TSPAN18: variants seen among roughly 807,000 people sequenced by gnomAD.
TSPAN18 encodes the protein tetraspanin 18.
In TSPAN18, 14 loss-of-function variants were observed where a neutral mutation model predicts 27.3. The ratio of observed to expected loss-of-function variants is 0.51; its 90% CI spans 0.34 to 0.80. The LOEUF is 0.80. Among genes scored for constraint, TSPAN18 ranks in the 30% least tolerant of loss-of-function variants. The pLI, the probability that TSPAN18 is intolerant of heterozygous loss-of-function variation, is 0.01. For missense variants in TSPAN18, 268 were observed against 323.9 expected (o/e 0.83, Z 1.32); for synonymous variants, 143 against 136.5 (o/e 1.05, Z -0.33).
In TSPAN18 at chr11:44,739,730, A is replaced by G. The variant is rs1005538422; in HGVS notation, c.-240+12443A>G. Reference sequence around the variant, plus strand: ...TGGAAATAAAACAAAAGCATATTCAATGGAAGGTCACTCTCAATCTTACAC... The same window carrying G: ...TGGAAATAAAACAAAAGCATATTCAGTGGAAGGTCACTCTCAATCTTACAC... On this transcript the variant is annotated intron_variant, in intron 1 of 9. Transcript: ENST00000520358. 6.6e-5 allele frequency among the ~76,000 whole-genome samples: 10 copies of G among 152,358 alleles called. No homozygotes were observed. In the East Asian group the frequency reaches 7.7e-4, roughly 12 times the overall value.
intron 2 of TSPAN18, among the ~76,000 whole-genome samples, chr11:44,823,692 T>G (rs1238395729): frequency 6.6e-6 from 1 of 152,136 alleles, no homozygotes; most frequent in Non-Finnish European, 1.5e-5. Flanking sequence ...GTCTTCAGCT[T>G]GGAGGTGAGG....
chr11:44,895,071 A>G (rs921940829), intron 3 of TSPAN18, among the ~76,000 whole-genome samples: 1 of 152,256 alleles, frequency 6.6e-6, no homozygotes, highest in African/African-American at 2.4e-5. Context: ...ATAAGAGGAC[A>G]GGTAGGAGAA....
chr11:44,914,313 G>A (rs1859827285), intron 5 of TSPAN18, among the ~76,000 whole-genome samples: 1 of 152,220 alleles, frequency 6.6e-6, no homozygotes, highest in Admixed American at 6.5e-5. Context: ...AGTCAGAAAA[G>A]CCCGGGCTCT....
chr11:44,930,668 T>C lies in TSPAN18; in HGVS notation c.*1490T>C, dbSNP rs148752206. On this transcript the variant is annotated 3_prime_UTR_variant, in exon 10 of 10. Transcript: ENST00000520358. Reference sequence around the variant, plus strand: ...GGATTGCAAGATGCTCCTACCCTGATAGATCAGGGGTGGCTGCTGGAGGCT... The same window carrying C: ...GGATTGCAAGATGCTCCTACCCTGACAGATCAGGGGTGGCTGCTGGAGGCT... 2.9e-4 allele frequency: 107 copies of C among 363,402 alleles called. No individual in the cohort carries two copies. Among genetic ancestry groups the C allele is most frequent in the African/African-American group, 2.0e-3 (92 of 47,024 alleles). 22.5% of individuals were successfully genotyped at this position (363,402 alleles called of 1,614,324 possible). A position where few individuals can be genotyped will look rare whatever the true frequency, so the allele number is the denominator to read the frequency against.
intron 3 of TSPAN18, among the ~76,000 whole-genome samples, chr11:44,892,483 G>T (rs182595598): frequency 6.6e-6 from 1 of 152,368 alleles, no homozygotes; most frequent in Non-Finnish European, 1.5e-5. Context: ...AAACTGCGTG[G>T]GTTTCCCAGG....
rs546704034 is a variant in TSPAN18, at chr11:44,832,570, C to T, written c.-152-27758C>T. Among the ~76,000 whole-genome samples the T allele has an allele frequency of 3.9e-5, 6 of 152,310 alleles. No individual in the cohort carries two copies. The East Asian group carries it at 9.7e-4, about 25-fold the overall frequency. Reference sequence around the variant, plus strand: ...CATGCTGACAGCTGGAACGGAAGCCCGGAACAAGCCAGTCATATTCCTCCC... The same window carrying T: ...CATGCTGACAGCTGGAACGGAAGCCTGGAACAAGCCAGTCATATTCCTCCC... On this transcript the variant is annotated intron_variant, in intron 2 of 9. Coordinates refer to ENST00000520358, the MANE Select transcript of TSPAN18 (RefSeq NM_130783.5).
At chr11:44,896,479 C>T (rs921035308) in intron 3 of TSPAN18, among the ~76,000 whole-genome samples, 2 of 152,092 alleles carry the variant, frequency 1.3e-5, no homozygotes, top group African/African-American at 2.4e-5. Flanking sequence ...CCCAAGTGCA[C>T]GGAGTACCTG....
At chr11:44,906,267 C>A (rs556254836) in intron 3 of TSPAN18, 140 bp from the exon 4 acceptor site, 492 of 786,898 alleles carry the variant, frequency 6.3e-4, no homozygotes, top group Non-Finnish European at 1.0e-3. Flanking sequence ...CTCCAGCATG[C>A]TCATCTCTAT....
rs181265825 is a variant in TSPAN18 at position 44,927,277 on chromosome 11, G to A, written c.699+520G>A. Among the ~76,000 whole-genome samples, 129 of 152,318 alleles carry A rather than the reference G, an allele frequency of 8.5e-4. 1 individual carries two copies. The East Asian group carries it at 0.019, about 22-fold the overall frequency. ...CCGTTTGCAATCACCACTAGGTGGC[G>A]CCTCAGCCAAAGGGAGGAGCGGCCG... is the stretch of plus-strand genomic sequence containing the variant. On this transcript the variant is annotated intron_variant, in intron 9 of 9. Coordinates refer to ENST00000520358, the MANE Select transcript of TSPAN18 (RefSeq NM_130783.5).
In TSPAN18 at chr11:44,930,890, C is replaced by G. The variant is rs1565031327; in HGVS notation, c.*1712C>G. The G allele has an allele frequency of 3.8e-6, 2 of 524,720 alleles. No homozygotes were observed. Among genetic ancestry groups the G allele is most frequent in the African/African-American group, 3.9e-5 (2 of 51,798 alleles). 32.5% of individuals were successfully genotyped at this position (524,720 alleles called of 1,614,324 possible). A position where few individuals can be genotyped will look rare whatever the true frequency, so the allele number is the denominator to read the frequency against. ...GAAAGAGCTCATTCTGTCTCACAAG[C>G]CACCGGCATCCTGTATCAGCTTCCA... On this transcript the variant is annotated 3_prime_UTR_variant, in exon 10 of 10. Coordinates refer to ENST00000520358, the MANE Select transcript of TSPAN18 (RefSeq NM_130783.5).
chr11:44,828,215 G>C (rs1480618818), intron 2 of TSPAN18, among the ~76,000 whole-genome samples: 1 of 152,154 alleles, frequency 6.6e-6, no homozygotes, highest in East Asian at 1.9e-4. Flanking sequence ...GCTGGAGGTT[G>C]AGGTGAAAAA....
chr11:44,919,182 G>A, intron 6 of TSPAN18, 32 bp from the exon 7 acceptor site: 2 of 1,585,192 alleles, frequency 1.3e-6, no homozygotes, highest in Non-Finnish European at 1.7e-6. Context: ...CCAACTGCCA[G>A]GCCTAAGCCC....
At chr11:44,842,951 G>A (rs2135169617) in intron 2 of TSPAN18, among the ~76,000 whole-genome samples, 1 of 151,066 alleles carries the variant, frequency 6.6e-6, no homozygotes, top group East Asian at 2.0e-4. Flanking sequence ...CCAACCAGGT[G>A]ACTACCATTC....
chr11:44,814,656 A>ATCCG (rs1856784206), intron 2 of TSPAN18, among the ~76,000 whole-genome samples: 1 of 150,324 alleles, frequency 6.7e-6, no homozygotes, highest in African/African-American at 2.5e-5. Context: ...GGTAGAATCC[A>ATCCG]TCCATCCATC....
chr11:44,920,244 A>C (rs993558611), intron 8 of TSPAN18, among the ~76,000 whole-genome samples: 2 of 152,184 alleles, frequency 1.3e-5, no homozygotes, highest in African/African-American at 2.4e-5. Flanking sequence ...TGGAGTGGGC[A>C]TTCAGGCTGG....
intron 4 of TSPAN18, among the ~76,000 whole-genome samples, chr11:44,908,986 A>G (rs191608143): frequency 7.9e-5 from 12 of 152,282 alleles, no homozygotes; most frequent in Non-Finnish European, 1.5e-4. Flanking sequence ...GGGTCACACA[A>G]CTAATAAGTG....
At chr11:44,869,126 A>T (rs1364834491) in intron 3 of TSPAN18, among the ~76,000 whole-genome samples, 2 of 152,200 alleles carry the variant, frequency 1.3e-5, no homozygotes, top group African/African-American at 4.8e-5. Flanking sequence ...CTCTCGAAGA[A>T]AGTGATCAGC....
chr11:44,771,752 A>G (rs2134917628), intron 2 of TSPAN18, among the ~76,000 whole-genome samples: 1 of 152,356 alleles, frequency 6.6e-6, no homozygotes, highest in Non-Finnish European at 1.5e-5. Context: ...TAAACTAGAG[A>G]TGATTTAATG....
intron 1 of TSPAN18, among the ~76,000 whole-genome samples, chr11:44,730,246 C>T (rs1590395917): frequency 6.6e-6 from 1 of 152,218 alleles, no homozygotes; most frequent in South Asian, 2.1e-4. Context: ...TGTCTGTAAC[C>T]AGTCCCTGCT....
Sources: allele counts gnomAD v4.1 joint callset (sites outside exome capture counted in the v4.1 genomes callset), GRCh38; gene constraint gnomAD v4.1.1; transcripts MANE v1.5; gene names NCBI Gene and HGNC (gene_info 2026-07-23, HGNC 2026-07-21).